The following CREBBP variants were observed in gnomAD, a reference collection of about 807,000 sequenced individuals.
CREBBP encodes CREB binding lysine acetyltransferase.
Under a neutral mutation model 265.0 loss-of-function variants are expected in CREBBP, and 19 were observed. The ratio of observed to expected loss-of-function variants is 0.07; its 90% CI spans 0.05 to 0.11. The LOEUF (loss-of-function observed/expected upper bound fraction) is 0.11, where lower values mean the gene tolerates loss of function less well. CREBBP is among the 10% of genes least tolerant of loss of function. The pLI, the probability that CREBBP is intolerant of heterozygous loss-of-function variation, is 1.00. For missense variants in CREBBP, 2,525 were observed against 3,219.0 expected (o/e 0.78, Z 5.22); for synonymous variants, 1,457 against 1,223.7 (o/e 1.19, Z -3.98).
At position 3,769,231 on chromosome 16, in the gene CREBBP, G is replaced by A. The variant is rs61731377; in HGVS notation, c.3003C>T (p.Thr1001=). 3 of 1,614,084 alleles carry A rather than the reference G, an allele frequency of 1.9e-6. No homozygotes were observed. In the African/African-American group the frequency reaches 4.0e-5, roughly 22 times the overall value. The change falls in exon 15 of 31, where the codon ACC becomes ACT. Residue 1001 remains threonine, a synonymous_variant. Transcript: ENST00000262367. ...DVPVLEMKTE[T]QAEDTEPDPG... Reference sequence around the variant, plus strand: ...GATCGGGCTCAGTGTCCTCTGCTTGGGTCTCCGTCTTCATTTCCAGCACAG... The same window carrying A: ...GATCGGGCTCAGTGTCCTCTGCTTGAGTCTCCGTCTTCATTTCCAGCACAG...
At chr16:3,811,956 G>C (rs1297995213) in intron 2 of CREBBP, among the ~76,000 whole-genome samples, 1 of 152,034 alleles carries the variant, frequency 6.6e-6, no homozygotes, top group Non-Finnish European at 1.5e-5. Context: ...AACTTTTATG[G>C]AGTCAAAAGG....
chr16:3,876,712 G>T (rs1236378255), intron 1 of CREBBP, among the ~76,000 whole-genome samples: 3 of 152,168 alleles, frequency 2.0e-5, no homozygotes, highest in Non-Finnish European at 4.4e-5. Flanking sequence ...CAAATTCTGT[G>T]CCTCTCCAGG....
intron 1 of CREBBP, among the ~76,000 whole-genome samples, chr16:3,855,215 C>T (rs959958595): frequency 1.3e-5 from 2 of 152,136 alleles, no homozygotes; most frequent in African/African-American, 4.8e-5. Context: ...CTTGTTTAAT[C>T]GAAAAAGGAT....
rs8046065 is a variant in CREBBP, at chr16:3,788,297, C to A, written c.1330+3684G>T. On this transcript the variant is annotated intron_variant, in intron 5 of 30. Coordinates refer to ENST00000262367, the MANE Select transcript of CREBBP (RefSeq NM_004380.3). Reference sequence around the variant, plus strand: ...CTCAGATTTTAATGTGCACACTAATCACCCAGGATTTTTATAAAAATGCAG... The same window carrying A: ...CTCAGATTTTAATGTGCACACTAATAACCCAGGATTTTTATAAAAATGCAG... 6.0e-4 allele frequency among the ~76,000 whole-genome samples: 91 copies of A among 152,240 alleles called. 1 individual carries two copies. The highest frequency in any genetic ancestry group is 2.0e-3 in the Admixed American group (30 of 15,300).
Position 3,728,558 on chromosome 16 carries a change from G to A in CREBBP, c.6489C>T (p.Gly2163=), listed in dbSNP as rs2151303670. Residue 2163 remains glycine, a synonymous_variant, in exon 31 of 31, where the codon GGC becomes GGT. Coordinates refer to ENST00000262367, the MANE Select transcript of CREBBP (RefSeq NM_004380.3). This position sits in a 1 kb window ranked among gnomAD's most constrained non-coding sequence, Gnocchi z 8.7. ...GVPPQQQAMG[G]LNPQGQALNI... ...TCAAGGCCTGGCCCTGGGGGTTCAG[G>A]CCTCCCATCGCCTGCTGCTGTGGAG... 1 of 1,613,986 alleles carries A rather than the reference G, an allele frequency of 6.2e-7. No homozygotes were observed. The highest frequency in any genetic ancestry group is 1.1e-5 in the South Asian group (1 of 91,090).
chr16:3,731,529 G>A lies in CREBBP; in HGVS notation c.4891-56C>T, dbSNP rs2051916214. The A allele has an allele frequency of 1.3e-6, 2 of 1,550,936 alleles. No homozygotes were observed. Among genetic ancestry groups the A allele is most frequent in the Non-Finnish European group, 1.7e-6 (2 of 1,150,684 alleles). ...CAAGGGACATGGCACCTCCAGTGGT[G>A]AGCTCAGGGCAGGCGCAGCCACCCA... is the stretch of plus-strand genomic sequence containing the variant. On this transcript the variant is annotated intron_variant, in intron 29 of 30. Coordinates refer to ENST00000262367, the MANE Select transcript of CREBBP (RefSeq NM_004380.3). The surrounding 1 kb of genome is among the most constrained non-coding windows in gnomAD (Gnocchi z 7.7).
chr16:3,793,231 C>T (rs1485120920), intron 4 of CREBBP, among the ~76,000 whole-genome samples, 155 bp downstream of exon 4: 5 of 152,308 alleles, frequency 3.3e-5, no homozygotes, highest in Middle Eastern at 3.4e-3. Flanking sequence ...TGACTGTCGT[C>T]GCGTGGGGAA....
In CREBBP at chr16:3,729,497, G is replaced by A. The variant is rs766665012; in HGVS notation, c.5550C>T (p.Leu1850=). 6.2e-7 allele frequency: 1 copy of A among 1,614,230 alleles called. No individual in the cohort carries two copies. The highest frequency in any genetic ancestry group is 1.1e-5 in the South Asian group (1 of 91,088). Residue 1850 remains leucine, a synonymous_variant, in exon 31 of 31, where the codon CTC becomes CTT. Transcript: ENST00000262367. Reference sequence around the variant, plus strand: ...GGCGGTGCTGGATCTGCTGCTGGCGGAGCTTGTGTTTGATGTTGAGGCAGA... The same window carrying A: ...GGCGGTGCTGGATCTGCTGCTGGCGAAGCTTGTGTTTGATGTTGAGGCAGA... ...VPFCLNIKHK[L]RQQQIQHRLQ...
chr16:3,749,462 G>A (rs1372393895), intron 21 of CREBBP, among the ~76,000 whole-genome samples, 165 bp downstream of exon 21: 1 of 152,140 alleles, frequency 6.6e-6, no homozygotes, highest in Non-Finnish European at 1.5e-5. Context: ...TACATATTTT[G>A]TTTAAGTTTA....
chr16:3,738,982 A>C (rs547137096), intron 25 of CREBBP, among the ~76,000 whole-genome samples: 1 of 152,178 alleles, frequency 6.6e-6, no homozygotes, highest in Non-Finnish European at 1.5e-5. Flanking sequence ...TGGTCCAGTT[A>C]TCCTCCCACC....
At position 3,728,734 on chromosome 16, in the gene CREBBP, T is replaced by A. The variant is rs778859685; in HGVS notation, c.6313A>T (p.Thr2105Ser). Residue 2105 changes from threonine to serine, a missense_variant, in exon 31 of 31, where the codon ACA becomes TCA. This residue lies in a region of CREBBP where 473 missense variants were observed against 459.3 expected (regional missense o/e 1.03). Transcript: ENST00000262367. The surrounding 1 kb of genome is among the most constrained non-coding windows in gnomAD (Gnocchi z 8.7). Reference sequence around the variant, plus strand: ...GGCTGATTGGCCACGTACTTGGCTGTGCGCTGTTTGATGAAAGCTGCCATT... The same window carrying A: ...GGCTGATTGGCCACGTACTTGGCTGAGCGCTGTTTGATGAAAGCTGCCATT... Reference protein sequence around the residue: ...QLMAAFIKQRTAKYVANQPGM... With the variant: ...QLMAAFIKQRSAKYVANQPGM... 6.2e-7 allele frequency: 1 copy of A among 1,613,812 alleles called. No individual in the cohort carries two copies. Among genetic ancestry groups the A allele is most frequent in the Non-Finnish European group, 8.5e-7 (1 of 1,180,010 alleles).
At chr16:3,860,626 G>C (rs1015896604) in intron 1 of CREBBP, among the ~76,000 whole-genome samples, 4 of 152,072 alleles carry the variant, frequency 2.6e-5, no homozygotes, top group African/African-American at 7.2e-5. Context: ...ACATCATGTT[G>C]TATATGATAA....
rs758486179 is a variant in CREBBP, at chr16:3,758,093, T to A, written c.3370-45A>T. ...TCTCAGTATAGGGAATCCCCCAATA[T>A]CCAAATGCCAGTCTCATCTGGCAGC... On this transcript the variant is annotated intron_variant, in intron 17 of 30. Coordinates refer to ENST00000262367, the MANE Select transcript of CREBBP (RefSeq NM_004380.3). The A allele has an allele frequency of 5.6e-6, 9 of 1,604,028 alleles. No homozygotes were observed. The East Asian group carries it at 1.6e-4, about 28-fold the overall frequency.
At chr16:3,783,050 A>G in intron 5 of CREBBP, 124 bp from the exon 6 acceptor site, 1 of 1,289,332 alleles carries the variant, frequency 7.8e-7, no homozygotes, top group Non-Finnish European at 1.1e-6. Context: ...TGAATATCAT[A>G]AAGCAGTAAA....
rs910861282 is a variant in CREBBP at position 3,852,157 on chromosome 16, G to GTTTTTTTTTTTTTTTTTTTTTTT, written c.86-1171_86-1149dup. Among the ~76,000 whole-genome samples the GTTTTTTTTTTTTTTTTTTTTTTT allele has an allele frequency of 3.9e-5, 2 of 50,880 alleles. 1 individual carries two copies. 33.4% of individuals were successfully genotyped at this position (50,880 alleles called of 152,430 possible). A position where few individuals can be genotyped will look rare whatever the true frequency, so the allele number is the denominator to read the frequency against. ...GGACAGTAAAGCCAATCTTAAATTT[G>GTTTTTTTTTTTTTTTTTTTTTTT]TTTTTTTTTTTTTTTTTTTTTTTTT... On this transcript the variant is annotated intron_variant, in intron 1 of 30. Transcript: ENST00000262367.
chr16:3,863,849 A>C (rs1020503272), intron 1 of CREBBP, among the ~76,000 whole-genome samples: 1 of 152,210 alleles, frequency 6.6e-6, no homozygotes, highest in African/African-American at 2.4e-5. Context: ...CATAGCAGCC[A>C]GCTGCCACCA....
intron 1 of CREBBP, among the ~76,000 whole-genome samples, chr16:3,869,407 G>C (rs2055246357): frequency 6.6e-6 from 1 of 152,192 alleles, no homozygotes; most frequent in South Asian, 2.1e-4. Context: ...TTTTGAAGGA[G>C]TCTTTCATCA....
At chr16:3,851,090 C>G in intron 1 of CREBBP, 81 bp from the exon 2 acceptor site, 1 of 1,199,500 alleles carries the variant, frequency 8.3e-7, no homozygotes, top group South Asian at 1.2e-5. Context: ...TGATCTTAAC[C>G]TAATGGGGCA....
intron 2 of CREBBP, among the ~76,000 whole-genome samples, chr16:3,849,430 T>TGTGTGTGTGTGTGTG (rs2054752487): frequency 5.8e-4 from 5 of 8,584 alleles, no homozygotes; most frequent in Non-Finnish European, 2.6e-3. Flanking sequence ...TGTGTGTGTG[T>TGTGTGTGTGTGTGTG]GTGTGTGTGT....
Sources: gnomAD v4.1 joint callset for allele counts (sites outside exome capture counted in the v4.1 genomes callset) on GRCh38, gnomAD v4.1.1 for gene constraint, gnomAD v4.1.1 regional missense constraint, Gnocchi (gnomAD v3.1) non-coding constraint, MANE v1.5 for transcripts, NCBI Gene and HGNC (gene_info 2026-07-23, HGNC 2026-07-21) for gene names.